EGLN1: variants seen among roughly 807,000 people sequenced by gnomAD.
EGLN1 encodes the protein egl nine homolog 1.
In EGLN1, 17 loss-of-function variants were observed where a neutral mutation model predicts 38.3. That is an observed-to-expected ratio of 0.44 (90% CI 0.30 to 0.67). The LOEUF (loss-of-function observed/expected upper bound fraction) is 0.67, where lower values mean the gene tolerates loss of function less well. Among genes scored for constraint, EGLN1 ranks in the 30% least tolerant of loss-of-function variants. EGLN1 has a pLI of 0.08. For synonymous variants in EGLN1, 283 were observed against 257.5 expected (o/e 1.10, Z -0.95); for missense variants, 477 against 603.3 (o/e 0.79, Z 2.19).
intron 4 of EGLN1, 23 bp downstream of exon 4, chr1:231,367,546 T>C: frequency 1.2e-6 from 2 of 1,612,506 alleles, no homozygotes; most frequent in Non-Finnish European, 1.7e-6. Flanking sequence ...TACCAATATA[T>C]CCTGGCCCCA....
At chr1:231,383,412 G>A (rs568320524) in intron 1 of EGLN1, among the ~76,000 whole-genome samples, 1 of 152,262 alleles carries the variant, frequency 6.6e-6, no homozygotes, top group African/African-American at 2.4e-5. Context: ...CCAGAACAGA[G>A]TCTTACTTAC....
At position 231,421,316 on chromosome 1, in the gene EGLN1, C is replaced by A; in HGVS notation, c.573G>T (p.Leu191=). The change falls in exon 1 of 5, where the codon CTG becomes CTT. Residue 191 remains leucine (L), a synonymous_variant. Coordinates refer to ENST00000366641, the MANE Select transcript of EGLN1 (RefSeq NM_022051.3). This position sits in a 1 kb window ranked among gnomAD's most constrained non-coding sequence, Gnocchi z 5.5. ...PNGQTKPLPA[L]KLALEYIVPC... ...GCACGATGTACTCGAGCGCCAGCTTCAGCGCCGGCAGGGGCTTCGTCTGCC... is the reference window on the plus strand; with the variant it reads ...GCACGATGTACTCGAGCGCCAGCTTAAGCGCCGGCAGGGGCTTCGTCTGCC... The A allele has an allele frequency of 6.2e-7, 1 of 1,612,490 alleles. No homozygotes were observed. The highest frequency in any genetic ancestry group is 8.5e-7 in the Non-Finnish European group (1 of 1,179,708).
intron 1 of EGLN1, among the ~76,000 whole-genome samples, chr1:231,390,925 G>A (rs370533881): frequency 1.3e-5 from 2 of 151,458 alleles, no homozygotes; most frequent in African/African-American, 2.4e-5. Flanking sequence ...ATAGCTCACC[G>A]CAACGTCAAA....
rs367877765 is a variant in EGLN1, at chr1:231,418,749, G to C, written c.891+2249C>G. Among the ~76,000 whole-genome samples the C allele has an allele frequency of 8.6e-5, 13 of 151,814 alleles. 2 individuals carry two copies. In the South Asian group the frequency reaches 2.5e-3, roughly 29 times the overall value. The stretch of plus-strand genomic sequence containing the variant: ...ATGGTGGTGTGTGCCTACAGTCCCA[G>C]CTACTCGGAAGCTGAGATGGCAGGA... On this transcript the variant is annotated intron_variant, in intron 1 of 4. Coordinates refer to ENST00000366641, the MANE Select transcript of EGLN1 (RefSeq NM_022051.3).
intron 4 of EGLN1, among the ~76,000 whole-genome samples, chr1:231,367,245 G>GA (rs1687673702): frequency 6.6e-6 from 1 of 152,200 alleles, no homozygotes; most frequent in Non-Finnish European, 1.5e-5. Flanking sequence ...AGGAGTGAAT[G>GA]AGAGGAAACC....
chr1:231,377,404 G>A (rs1392568317), intron 1 of EGLN1, among the ~76,000 whole-genome samples: 1 of 152,228 alleles, frequency 6.6e-6, no homozygotes, highest in Non-Finnish European at 1.5e-5. Flanking sequence ...AGAAACCAAA[G>A]AGGCTGAGCC....
intron 1 of EGLN1, among the ~76,000 whole-genome samples, chr1:231,398,153 T>C (rs1207061368): frequency 6.6e-6 from 1 of 152,206 alleles, no homozygotes; most frequent in African/African-American, 2.4e-5. Context: ...ATATTTTAGA[T>C]GACAGTAGGA....
chr1:231,394,961 T>C (rs1326263591), intron 1 of EGLN1, among the ~76,000 whole-genome samples: 1 of 152,220 alleles, frequency 6.6e-6, no homozygotes. Flanking sequence ...AATTTTAATA[T>C]GCATACAAAT....
intron 1 of EGLN1, among the ~76,000 whole-genome samples, chr1:231,388,759 A>G (rs1451999278): frequency 1.3e-5 from 2 of 152,080 alleles, no homozygotes; most frequent in Non-Finnish European, 2.9e-5. Context: ...AGTTCAAGCG[A>G]TTCTCCTGCC....
intron 1 of EGLN1, among the ~76,000 whole-genome samples, chr1:231,401,660 G>T (rs1688667639): frequency 6.6e-6 from 1 of 152,240 alleles, no homozygotes; most frequent in East Asian, 1.9e-4. Flanking sequence ...TAAAAGACTA[G>T]TTCACTTCAT....
intron 1 of EGLN1, among the ~76,000 whole-genome samples, chr1:231,403,814 T>C (rs947048143): frequency 2.2e-5 from 3 of 136,434 alleles, no homozygotes; most frequent in Admixed American, 1.5e-4. Context: ...TTAAAATATA[T>C]ATGCAATTCC....
Position 231,404,425 on chromosome 1 carries a change from A to C in EGLN1, c.891+16573T>G, listed in dbSNP as rs1373875720. ...ATAGACTATACAGTAAATAAAAGAA[A>C]TACTAAGCAATATCAACAAACTGTA... On this transcript the variant is annotated intron_variant, in intron 1 of 4. Coordinates refer to ENST00000366641, the MANE Select transcript of EGLN1 (RefSeq NM_022051.3). 2.6e-5 allele frequency among the ~76,000 whole-genome samples: 4 copies of C among 152,256 alleles called. No homozygotes were observed. The East Asian group carries it at 7.8e-4, about 30-fold the overall frequency.
At chr1:231,412,887 C>G (rs903697125) in intron 1 of EGLN1, among the ~76,000 whole-genome samples, 1 of 152,198 alleles carries the variant, frequency 6.6e-6, no homozygotes, top group African/African-American at 2.4e-5. Context: ...AAGCCAAAAC[C>G]CTTTAAGTCA....
At chr1:231,373,468 AAAAT>A (rs1220388177) in intron 2 of EGLN1, among the ~76,000 whole-genome samples, 37 of 152,354 alleles carry the variant, frequency 2.4e-4, no homozygotes, top group African/African-American at 8.9e-4. Flanking sequence ...CTAACATCTG[AAAAT>A]AAATGAATCC....
At position 231,367,549 on chromosome 1, in the gene EGLN1, T is replaced by C; in HGVS notation, c.1216+20A>G. The C allele has an allele frequency of 1.9e-6, 3 of 1,613,420 alleles. No homozygotes were observed. The highest frequency in any genetic ancestry group is 1.7e-6 in the Non-Finnish European group (2 of 1,179,422). ...AGGGTATTTCTGTACCAATATATCC[T>C]GGCCCCAAATGACGTTTACCTGTTA... is the stretch of plus-strand genomic sequence containing the variant. On this transcript the variant is annotated intron_variant, in intron 4 of 4. Coordinates refer to ENST00000366641, the MANE Select transcript of EGLN1 (RefSeq NM_022051.3).
chr1:231,408,201 AAGCAGACTT>A (rs1688843191), intron 1 of EGLN1, among the ~76,000 whole-genome samples: 2 of 152,182 alleles, frequency 1.3e-5, no homozygotes, highest in African/African-American at 4.8e-5. Flanking sequence ...GATATCTGGG[AAGCAGACTT>A]AGCTTAGATC....
chr1:231,374,202 G>A (rs1687898763), intron 1 of EGLN1, 103 bp from the exon 2 acceptor site: 2 of 969,872 alleles, frequency 2.1e-6, no homozygotes, highest in Non-Finnish European at 3.2e-6. Context: ...TTTACACTTA[G>A]ATTCTTCTAA....
intron 1 of EGLN1, among the ~76,000 whole-genome samples, chr1:231,378,004 A>G (rs1306112025): frequency 2.0e-5 from 3 of 152,226 alleles, no homozygotes; most frequent in Admixed American, 2.0e-4. Context: ...CTCAATTATC[A>G]CCATCTAAAT....
intron 1 of EGLN1, among the ~76,000 whole-genome samples, chr1:231,389,540 G>A (rs973521834): frequency 6.6e-6 from 1 of 152,114 alleles, no homozygotes; most frequent in Non-Finnish European, 1.5e-5. Context: ...TGGAGTACAG[G>A]GACCAAGTCA....
Sources: gnomAD v4.1 joint callset for allele counts (sites outside exome capture counted in the v4.1 genomes callset) on GRCh38, gnomAD v4.1.1 for gene constraint, Gnocchi (gnomAD v3.1) non-coding constraint, MANE v1.5 for transcripts, NCBI Gene and HGNC (gene_info 2026-07-23, HGNC 2026-07-21) for gene names.